The following ABCB5 variants were observed in gnomAD, a reference collection of about 807,000 sequenced individuals.
The protein encoded by ABCB5 is ATP binding cassette subfamily B member 5.
Under a neutral mutation model 144.2 loss-of-function variants are expected in ABCB5, and 155 were observed. The ratio of observed to expected loss-of-function variants is 1.08; its 90% CI spans 0.94 to 1.23. The LOEUF (loss-of-function observed/expected upper bound fraction) is 1.23. Ranked by LOEUF, ABCB5 falls within the 50% of genes most tolerant of loss-of-function variation. The probability of loss-of-function intolerance (pLI) is 0.00; values close to 1 mark genes in which losing one functional copy is unlikely to be tolerated. For missense variants in ABCB5, 1,830 were observed against 1,520.8 expected (o/e 1.20, Z -3.38); for synonymous variants, 610 against 528.6 (o/e 1.15, Z -2.11).
At position 20,628,670 on chromosome 7, in the gene ABCB5, G is replaced by C. The variant is rs763329707; in HGVS notation, c.109-18G>C. 1 of 1,607,360 alleles carries C rather than the reference G, an allele frequency of 6.2e-7. No homozygotes were observed. The highest frequency in any genetic ancestry group is 1.3e-5 in the African/African-American group (1 of 74,748). ...TTTGTTTTACAGTTGTGGTGCTACC[G>C]TGCTTTGTTTTCCTCAGTTCCGCTT... is the stretch of plus-strand genomic sequence containing the variant. On this transcript the variant is annotated intron_variant, in intron 3 of 27. Coordinates refer to ENST00000404938, the MANE Select transcript of ABCB5 (RefSeq NM_001163941.2).
At chr7:20,733,207 A>G (rs1265231555) in intron 23 of ABCB5, among the ~76,000 whole-genome samples, 5 of 152,094 alleles carry the variant, frequency 3.3e-5, no homozygotes, top group Admixed American at 3.3e-4. Flanking sequence ...TATTATTATT[A>G]CAAATTCTGT....
chr7:20,658,709 C>G lies in ABCB5; in HGVS notation c.1707+33C>G, dbSNP rs116410161. 5 of 1,604,988 alleles carry G rather than the reference C, an allele frequency of 3.1e-6. No individual in the cohort carries two copies. The Admixed American group carries it at 5.1e-5, about 16-fold the overall frequency. ...AGCAGAAACGTTTCTTATTTCCATA[C>G]TCCTGGTTCATTATTGTTTTGAAGT... On this transcript the variant is annotated intron_variant, in intron 14 of 27. Transcript: ENST00000404938.
intron 14 of ABCB5, among the ~76,000 whole-genome samples, chr7:20,676,167 T>TACACACAC (rs60855145): frequency 3.5e-4 from 43 of 124,586 alleles, no homozygotes; most frequent in Middle Eastern, 3.8e-3. Flanking sequence ...CTACTACACA[T>TACACACAC]ACACACACAC....
intron 20 of ABCB5, among the ~76,000 whole-genome samples, chr7:20,711,443 T>A (rs1344499482): frequency 7.0e-6 from 1 of 142,858 alleles, no homozygotes; most frequent in Admixed American, 7.1e-5. Context: ...AGGTTGACAG[T>A]TTTTTCTTTC....
chr7:20,684,959 T>C (rs532527071), intron 15 of ABCB5, among the ~76,000 whole-genome samples: 10 of 152,330 alleles, frequency 6.6e-5, no homozygotes, highest in South Asian at 2.1e-4. Flanking sequence ...GGGAAAGTCA[T>C]TGATTTACTC....
intron 5 of ABCB5, among the ~76,000 whole-genome samples, chr7:20,637,176 A>G (rs1784177178): frequency 6.6e-6 from 1 of 152,186 alleles, no homozygotes; most frequent in African/African-American, 2.4e-5. Flanking sequence ...AGGTAATAGT[A>G]CTTCTTCCGT....
chr7:20,752,251 C>A (rs1166942765), intron 26 of ABCB5, among the ~76,000 whole-genome samples: 8 of 152,302 alleles, frequency 5.3e-5, no homozygotes, highest in African/African-American at 1.9e-4. Context: ...GTACCAAGGG[C>A]TTATGTTTCT....
intron 1 of ABCB5, among the ~76,000 whole-genome samples, chr7:20,619,931 A>G (rs113671828): frequency 0.012 from 1,796 of 152,084 alleles, 33 homozygotes; most frequent in African/African-American, 0.04. Flanking sequence ...TTTTGGAGTC[A>G]TTTCCCCATT....
intron 24 of ABCB5, among the ~76,000 whole-genome samples, chr7:20,742,323 G>A (rs931379959): frequency 6.6e-6 from 1 of 151,760 alleles, no homozygotes; most frequent in African/African-American, 2.4e-5. Flanking sequence ...GCAGTGAGCC[G>A]AGATCACACC....
intron 26 of ABCB5, among the ~76,000 whole-genome samples, chr7:20,749,187 C>T (rs1352087339): frequency 7.2e-6 from 1 of 137,982 alleles, no homozygotes; most frequent in Non-Finnish European, 1.6e-5. Context: ...CTACTTCCTT[C>T]CTTCCTCCCT....
chr7:20,623,216 G>A, intron 1 of ABCB5, 49 bp from the exon 2 acceptor site: 1 of 1,071,884 alleles, frequency 9.3e-7, no homozygotes, highest in Admixed American at 2.1e-5. Flanking sequence ...TATCAACTAA[G>A]TGATAAAAGT....
Position 20,723,051 on chromosome 7 carries a change from T to A in ABCB5, c.2457T>A (p.Asn819Lys), listed in dbSNP as rs777992814. The A allele has an allele frequency of 8.1e-6, 13 of 1,614,022 alleles. No homozygotes were observed. In the Admixed American group the frequency reaches 2.2e-4, roughly 27 times the overall value. Reference sequence around the variant, plus strand: ...CCAGGATTGGCGTCTTAACACAAAATGCAACTAACATGGGACTTTCAGTTA... The same window carrying A: ...CCAGGATTGGCGTCTTAACACAAAAAGCAACTAACATGGGACTTTCAGTTA... Reference protein sequence around the residue: ...TGSRIGVLTQNATNMGLSVII... With the variant: ...TGSRIGVLTQKATNMGLSVII... The change falls in exon 21 of 28, where the codon AAT becomes AAA. Residue 819 changes from asparagine (N) to lysine (K), a missense_variant. Physicochemically the swap from Asn to Lys is moderately conservative, Grantham distance 94. Coordinates refer to ENST00000404938, the MANE Select transcript of ABCB5 (RefSeq NM_001163941.2).
chr7:20,702,325 T>TG (rs1271659548), intron 19 of ABCB5, among the ~76,000 whole-genome samples: 10 of 152,172 alleles, frequency 6.6e-5, no homozygotes. Flanking sequence ...TAAGGCTTCT[T>TG]GGGGTTCTTT....
At chr7:20,658,324 G>T (rs1278797423) in intron 13 of ABCB5, among the ~76,000 whole-genome samples, 182 bp from the exon 14 acceptor site, 4 of 132,218 alleles carry the variant, frequency 3.0e-5, no homozygotes, top group Non-Finnish European at 4.8e-5. Flanking sequence ...TCTTCTTTGG[G>T]CTCTTTTTTT....
Position 20,668,590 on chromosome 7 carries a change from TG to T in ABCB5, c.1707+9925del, listed in dbSNP as rs560542131. Among the ~76,000 whole-genome samples, 400 of 110,632 alleles carry T rather than the reference TG, an allele frequency of 3.6e-3. 1 individual carries two copies. Among genetic ancestry groups the T allele is most frequent in the Admixed American group, 0.011 (121 of 11,432 alleles). The allele number at this position is 110,632 out of a possible 152,430, so 72.6% of individuals were successfully genotyped here. On this transcript the variant is annotated intron_variant, in intron 14 of 27. Transcript: ENST00000404938. ...GCAGCCACCCCGTCCGGGAGGGAGG[TG>T]GGGGGGGGGGTCAGCCCCCCGCCCG...
intron 20 of ABCB5, among the ~76,000 whole-genome samples, chr7:20,714,364 A>G (rs78404417): frequency 0.015 from 2,218 of 151,980 alleles, 46 homozygotes; most frequent in African/African-American, 0.051. Flanking sequence ...AAAAACCTGT[A>G]TTTTTGTGCC....
At chr7:20,713,688 G>T (rs1047214722) in intron 20 of ABCB5, among the ~76,000 whole-genome samples, 8 of 149,482 alleles carry the variant, frequency 5.4e-5, no homozygotes, top group African/African-American at 2.0e-4. Context: ...TGGTTTTAAG[G>T]TTTGTCAAGC....
At chr7:20,630,006 T>A (rs1476485) in intron 4 of ABCB5, among the ~76,000 whole-genome samples, 1 of 151,864 alleles carries the variant, frequency 6.6e-6, no homozygotes, top group African/African-American at 2.4e-5. Flanking sequence ...TTCATATTGC[T>A]CTTATCTGTA....
chr7:20,660,056 C>T (rs11763925), intron 14 of ABCB5: 76,707 of 981,134 alleles, frequency 0.078, 3,694 homozygotes, highest in South Asian at 0.18. Context: ...GTTGTGCCCG[C>T]AGTATTTTCA....
Sources: gnomAD v4.1 joint callset for allele counts (sites outside exome capture counted in the v4.1 genomes callset) on GRCh38, gnomAD v4.1.1 for gene constraint, MANE v1.5 for transcripts, NCBI Gene and HGNC (gene_info 2026-07-23, HGNC 2026-07-21) for gene names.